The following TTC9C variants were observed in gnomAD, a reference collection of about 807,000 sequenced individuals.
TTC9C encodes the protein tetratricopeptide repeat protein 9C.
Under a neutral mutation model 22.5 loss-of-function variants are expected in TTC9C, and 15 were observed. The ratio of observed to expected loss-of-function variants is 0.67; its 90% CI spans 0.45 to 1.03. TTC9C has a LOEUF of 1.03. Ranked by LOEUF, TTC9C falls within the 50% of genes least tolerant of loss-of-function variation. The pLI is 0.00. For synonymous variants in TTC9C, 92 were observed against 86.8 expected, an observed-to-expected ratio of 1.06 and a Z score of -0.33; for missense variants, 244 against 214.6, an observed-to-expected ratio of 1.14 and a Z score of -0.86.
chr11:62,738,324 C>T lies in TTC9C; in HGVS notation c.458C>T (p.Ser153Leu). 6.2e-7 allele frequency: 1 copy of T among 1,613,052 alleles called. No homozygotes were observed. Among genetic ancestry groups the T allele is most frequent in the Non-Finnish European group, 8.5e-7 (1 of 1,179,498 alleles). ...CGGCGGTACCTCCAGCTGACACAGT[C>T]AGAACTCAGCAGCTACCATAGAAAA... Reference protein sequence around the residue: ...NVRRYLQLTQSELSSYHRKEK... With the variant: ...NVRRYLQLTQLELSSYHRKEK... Residue 153 changes from serine to leucine, a missense_variant, in exon 3 of 3, where the codon TCA (serine) becomes TTA (leucine). Physicochemically the swap from Ser to Leu is moderately radical, Grantham distance 145 (BLOSUM62 -2). Coordinates refer to ENST00000316461, the MANE Select transcript of TTC9C (RefSeq NM_173810.4).
chr11:62,729,225 C>G, intron 1 of TTC9C, 139 bp downstream of exon 1: 1 of 753,084 alleles, frequency 1.3e-6, no homozygotes, highest in Non-Finnish European at 2.1e-6. Flanking sequence ...AATAACCTGT[C>G]AATCTGTGCG....
At chr11:62,730,317 C>T (rs569933774) in intron 1 of TTC9C, among the ~76,000 whole-genome samples, 7 of 152,134 alleles carry the variant, frequency 4.6e-5, no homozygotes, top group African/African-American at 1.2e-4. Context: ...TCAGGTGATT[C>T]GCCCGCCTCG....
rs1672286441 is a variant in TTC9C, at chr11:62,729,005, G to A, written c.157G>A (p.Gly53Arg). The A allele has an allele frequency of 6.2e-7, 1 of 1,614,012 alleles. No individual in the cohort carries two copies. Among genetic ancestry groups the A allele is most frequent in the Non-Finnish European group, 8.5e-7 (1 of 1,180,016 alleles). ...PSLPSPLPNL[G>R]PQGPALTPEQ... ...TCTGCCCTCTCCGTTACCTAATCTC[G>A]GACCTCAGGGCCCGGCCCTCACGCC... Residue 53 changes from glycine (G) to arginine (R), a missense_variant, in exon 1 of 3, where the codon GGA (glycine) becomes AGA (arginine). Transcript: ENST00000316461.
chr11:62,729,280 TG>T (rs2083814672), intron 1 of TTC9C, among the ~76,000 whole-genome samples, 194 bp downstream of exon 1: 1 of 152,112 alleles, frequency 6.6e-6, no homozygotes, highest in South Asian at 2.1e-4. Flanking sequence ...AGACTTCACC[TG>T]GAGAGTCTGT....
intron 1 of TTC9C, among the ~76,000 whole-genome samples, chr11:62,731,989 C>CTTTTTTTTTTTTTTT (rs58705402): frequency 1.6e-5 from 1 of 63,216 alleles, no homozygotes. Context: ...CTGGTCAGCA[C>CTTTTTTTTTTTTTTT]TTTTTTTTTT....
rs190489086 is a variant in TTC9C at position 62,731,056 on chromosome 11, T to G, written c.238+1970T>G. On this transcript the variant is annotated intron_variant, in intron 1 of 2. Transcript: ENST00000316461. Reference sequence around the variant, plus strand: ...GGCACCTGCCACCATGCCTGGCTAATTTTGGTATTTTTAGTAGAGACGGGG... The same window carrying G: ...GGCACCTGCCACCATGCCTGGCTAAGTTTGGTATTTTTAGTAGAGACGGGG... Among the ~76,000 whole-genome samples, 600 of 151,792 alleles carry G rather than the reference T, an allele frequency of 4.0e-3. 7 individuals carry two copies. The highest frequency in any genetic ancestry group is 0.013 in the African/African-American group (557 of 41,370).
At chr11:62,729,139 A>T in intron 1 of TTC9C, 53 bp downstream of exon 1, 1 of 1,478,326 alleles carries the variant, frequency 6.8e-7, no homozygotes, top group Non-Finnish European at 9.3e-7. Flanking sequence ...GAACATGAAC[A>T]TCTGTGAACA....
At chr11:62,733,072 C>T in intron 1 of TTC9C, 1 of 1,166,524 alleles carries the variant, frequency 8.6e-7, no homozygotes, top group Non-Finnish European at 1.1e-6. Context: ...GATTCTTGAT[C>T]TTTCTCAGCA....
chr11:62,738,283 C>T lies in TTC9C; in HGVS notation c.422-5C>T, dbSNP rs2083934806. On this transcript the variant is annotated splice_region_variant and splice_polypyrimidine_tract_variant and intron_variant, in intron 2 of 2. Coordinates refer to ENST00000316461, the MANE Select transcript of TTC9C (RefSeq NM_173810.4). The stretch of plus-strand genomic sequence containing the variant: ...TTTCTAATTGCTTCTCCATCATCTT[C>T]CAAGATGCCAACGTCCGGCGGTACC... 7 of 1,603,166 alleles carry T rather than the reference C, an allele frequency of 4.4e-6. No individual in the cohort carries two copies. Among genetic ancestry groups the T allele is most frequent in the Middle Eastern group, 1.6e-4 (1 of 6,070 alleles).
intron 1 of TTC9C, among the ~76,000 whole-genome samples, chr11:62,733,865 G>A (rs1298480224): frequency 6.6e-6 from 1 of 151,986 alleles, no homozygotes; most frequent in South Asian, 2.1e-4. Flanking sequence ...GGTGGTGAGC[G>A]CCTATAATCC....
chr11:62,730,632 G>T (rs986605829), intron 1 of TTC9C, among the ~76,000 whole-genome samples: 6 of 152,106 alleles, frequency 3.9e-5, no homozygotes, highest in Non-Finnish European at 7.3e-5. Context: ...GGAGTGCAAT[G>T]GCACGATCTT....
intron 1 of TTC9C, among the ~76,000 whole-genome samples, chr11:62,729,820 C>T (rs1021552523): frequency 1.3e-5 from 2 of 152,088 alleles, no homozygotes; most frequent in Non-Finnish European, 2.9e-5. Context: ...AGGTAATCCA[C>T]GCGCCTCTAC....
At chr11:62,729,569 A>ATT (rs1204345239) in intron 1 of TTC9C, among the ~76,000 whole-genome samples, 2,094 of 113,484 alleles carry the variant, frequency 0.018, 43 homozygotes, top group East Asian at 0.097. Flanking sequence ...CGCCCAGCTA[A>ATT]TTTTTTTTTT....
At chr11:62,729,154 G>A in intron 1 of TTC9C, 68 bp downstream of exon 1, 1 of 1,424,908 alleles carries the variant, frequency 7.0e-7, no homozygotes, top group Non-Finnish European at 9.6e-7. Flanking sequence ...TGAACATTGG[G>A]GGAAAAAACG....
At position 62,728,880 on chromosome 11, in the gene TTC9C, A is replaced by G. The variant is rs781709297; in HGVS notation, c.32A>G (p.Tyr11Cys). ...AAGCGTCTGCAGGAGGCTCAGCTGTACAAGGAGGAAGGGAACCAGCGCTAC... is the reference window on the plus strand; with the variant it reads ...AAGCGTCTGCAGGAGGCTCAGCTGTGCAAGGAGGAAGGGAACCAGCGCTAC... MEKRLQEAQLYKEEGNQRYRE... is the reference protein window; with the variant it reads MEKRLQEAQLCKEEGNQRYRE... The change falls in exon 1 of 3, where the codon TAC becomes TGC. Residue 11 changes from tyrosine to cysteine, a missense_variant. Transcript: ENST00000316461. 6.2e-7 allele frequency: 1 copy of G among 1,614,174 alleles called. No individual in the cohort carries two copies. Among genetic ancestry groups the G allele is most frequent in the East Asian group, 2.2e-5 (1 of 44,884 alleles).
chr11:62,729,369 AT>A (rs1290550249), intron 1 of TTC9C, among the ~76,000 whole-genome samples: 2 of 130,906 alleles, frequency 1.5e-5, no homozygotes, highest in Non-Finnish European at 1.6e-5. Context: ...GCATTTCTTT[AT>A]TTTTTTATTT....
At chr11:62,730,161 C>T (rs1402309017) in intron 1 of TTC9C, among the ~76,000 whole-genome samples, 2 of 151,962 alleles carry the variant, frequency 1.3e-5, no homozygotes, top group South Asian at 2.1e-4. Context: ...CTGCAACCTC[C>T]TCCTCCCGGG....
intron 1 of TTC9C, 49 bp downstream of exon 1, chr11:62,729,135 G>A (rs1379751243): frequency 6.8e-7 from 1 of 1,473,332 alleles, no homozygotes; most frequent in Non-Finnish European, 9.3e-7. Flanking sequence ...ACAGGAACAT[G>A]AACATCTGTG....
At chr11:62,730,776 T>G (rs1159960232) in intron 1 of TTC9C, among the ~76,000 whole-genome samples, 1 of 151,838 alleles carries the variant, frequency 6.6e-6, no homozygotes, top group Non-Finnish European at 1.5e-5. Context: ...TTTCTTCATG[T>G]TGGTCAGACT....
Sources: gnomAD v4.1 joint callset for allele counts (sites outside exome capture counted in the v4.1 genomes callset) on GRCh38, gnomAD v4.1.1 for gene constraint, MANE v1.5 for transcripts, NCBI Gene and HGNC (gene_info 2026-07-23, HGNC 2026-07-21) for gene names.